Variants in NCAM1 observed in about 807,000 individuals in gnomAD.
The protein encoded by NCAM1 is antigen recognized by monoclonal antibody 5.1H11.
A neutral mutation model predicts 109.8 loss-of-function variants in NCAM1; 14 were observed. The ratio of observed to expected loss-of-function variants is 0.13; its 90% CI spans 0.08 to 0.20. The LOEUF (loss-of-function observed/expected upper bound fraction) is 0.20, where lower values mean the gene tolerates loss of function less well. NCAM1 is among the 10% of genes least tolerant of loss of function. The pLI, the probability that NCAM1 is intolerant of heterozygous loss-of-function variation, is 1.00. For synonymous variants in NCAM1, 418 were observed against 442.9 expected, an observed-to-expected ratio of 0.94 and a Z score of 0.70; for missense variants, 774 against 1,109.9, an observed-to-expected ratio of 0.70 and a Z score of 4.30.
chr11:113,244,578 T>C (rs1945440015), intron 14 of NCAM1, among the ~76,000 whole-genome samples: 1 of 152,182 alleles, frequency 6.6e-6, no homozygotes, highest in Non-Finnish European at 1.5e-5. Context: ...GCTATCAGCA[T>C]GTGAATATCC....
At chr11:113,204,572 A>G (rs1944179582) in intron 3 of NCAM1, 68 bp downstream of exon 3, 1 of 1,481,898 alleles carries the variant, frequency 6.7e-7, no homozygotes, top group African/African-American at 1.4e-5. Context: ...GGGTAGTGGA[A>G]AGGTGGAAAT....
At chr11:113,053,573 G>A (rs1202736642) in intron 1 of NCAM1, among the ~76,000 whole-genome samples, 9 of 152,124 alleles carry the variant, frequency 5.9e-5, no homozygotes, top group Non-Finnish European at 1.3e-4. Context: ...AGCATCTGTT[G>A]TTTCTTGACT....
chr11:113,085,979 A>T (rs1268193857), intron 1 of NCAM1, among the ~76,000 whole-genome samples: 3 of 152,236 alleles, frequency 2.0e-5, no homozygotes, highest in Admixed American at 6.5e-5. Context: ...AGCAAATTTT[A>T]TCCAACTTCC....
intron 1 of NCAM1, among the ~76,000 whole-genome samples, chr11:113,136,773 G>A (rs1449189341): frequency 1.3e-5 from 2 of 152,110 alleles, no homozygotes; most frequent in Non-Finnish European, 2.9e-5. Context: ...TGGAGAGGGT[G>A]GCTTCCAATT....
chr11:113,121,225 C>CTT (rs3051885), intron 1 of NCAM1, among the ~76,000 whole-genome samples: 10,405 of 125,178 alleles, frequency 0.083, 782 homozygotes, highest in East Asian at 0.12. Context: ...CAACACCAAT[C>CTT]TTTTTTTTTT....
chr11:113,178,984 T>C (rs1051909447), intron 1 of NCAM1, among the ~76,000 whole-genome samples: 2 of 152,228 alleles, frequency 1.3e-5, no homozygotes, highest in African/African-American at 2.4e-5. Context: ...GACAGTATTA[T>C]GCCAGAGCTG....
At chr11:113,208,417 C>G (rs1172023405) in intron 7 of NCAM1, among the ~76,000 whole-genome samples, 4 of 152,096 alleles carry the variant, frequency 2.6e-5, no homozygotes, top group Non-Finnish European at 5.9e-5. Flanking sequence ...GCTGCACATG[C>G]AAAGTTCTCC....
chr11:112,978,251 T>C (rs61905367), intron 1 of NCAM1, among the ~76,000 whole-genome samples: 46,165 of 151,612 alleles, frequency 0.3, 8,049 homozygotes, highest in East Asian at 0.67. Context: ...TAAATTGGTG[T>C]TTAGGTTTTG....
intron 1 of NCAM1, among the ~76,000 whole-genome samples, chr11:113,118,950 AATGTTTTTGGAAAGAAATAAGAAAT>A (rs1209121321): frequency 3.3e-5 from 5 of 152,060 alleles, no homozygotes; most frequent in Admixed American, 2.6e-4. Context: ...TTCCTTTAAA[AATGTTTTTGGAAAGAAATAAGAAAT>A]ATTTAAATTA....
intron 1 of NCAM1, among the ~76,000 whole-genome samples, chr11:113,154,111 T>TTTA (rs1942330477): frequency 1.3e-5 from 2 of 152,202 alleles, no homozygotes; most frequent in African/African-American, 4.8e-5. Context: ...TGTAGGACAC[T>TTTA]TGCCACAATT....
intron 1 of NCAM1, among the ~76,000 whole-genome samples, chr11:113,146,469 A>G (rs1268913): frequency 0.83 from 126,563 of 152,220 alleles, 53,078 homozygotes; most frequent in African/African-American, 0.94. Flanking sequence ...GTATTGTTTG[A>G]ACCCAGAACA....
intron 1 of NCAM1, among the ~76,000 whole-genome samples, chr11:113,160,843 T>C (rs1555104251): frequency 1.3e-5 from 2 of 152,230 alleles, no homozygotes; most frequent in African/African-American, 4.8e-5. Context: ...TGGACTCTGC[T>C]GGCCCAGGGA....
chr11:113,079,434 C>T (rs1428643079), intron 1 of NCAM1, among the ~76,000 whole-genome samples: 1 of 152,146 alleles, frequency 6.6e-6, no homozygotes, highest in Non-Finnish European at 1.5e-5. Flanking sequence ...TTATAAGCCT[C>T]CCTGGTTTTC....
intron 1 of NCAM1, among the ~76,000 whole-genome samples, chr11:113,178,449 T>C (rs1943234988): frequency 6.6e-6 from 1 of 152,226 alleles, no homozygotes; most frequent in African/African-American, 2.4e-5. Flanking sequence ...AGCAGATTGA[T>C]GAAACGTGGT....
intron 1 of NCAM1, among the ~76,000 whole-genome samples, chr11:112,975,496 A>G (rs1318919767): frequency 2.6e-5 from 4 of 152,044 alleles, no homozygotes; most frequent in Non-Finnish European, 5.9e-5. Context: ...ACAAAAGACA[A>G]TCTTGAAATG....
At chr11:113,189,562 G>T (rs1316747465) in intron 1 of NCAM1, among the ~76,000 whole-genome samples, 1 of 152,128 alleles carries the variant, frequency 6.6e-6, no homozygotes, top group Non-Finnish European at 1.5e-5. Flanking sequence ...TCTCATGGGT[G>T]AGCCTCGTTA....
chr11:113,185,261 G>A (rs892405314), intron 1 of NCAM1, among the ~76,000 whole-genome samples: 6 of 151,872 alleles, frequency 4.0e-5, no homozygotes, highest in Non-Finnish European at 5.9e-5. Context: ...GATCCAGTCC[G>A]AGTCCAAGTC....
At chr11:112,988,939 G>T (rs1485492152) in intron 1 of NCAM1, among the ~76,000 whole-genome samples, 1 of 151,948 alleles carries the variant, frequency 6.6e-6, no homozygotes, top group African/African-American at 2.4e-5. Context: ...GTAGAGACAG[G>T]ATTTTCTCAT....
intron 1 of NCAM1, among the ~76,000 whole-genome samples, chr11:113,029,122 T>C (rs1334316723): frequency 1.3e-5 from 2 of 152,200 alleles, no homozygotes; most frequent in Non-Finnish European, 2.9e-5. Flanking sequence ...AATGACTGAA[T>C]TGACGATATT....
Sources: gnomAD v4.1 joint callset for allele counts (sites outside exome capture counted in the v4.1 genomes callset) on GRCh38, gnomAD v4.1.1 for gene constraint, MANE v1.5 for transcripts, NCBI Gene and HGNC (gene_info 2026-07-23, HGNC 2026-07-21) for gene names.